The following GTF3C1 variants were observed in gnomAD, a reference collection of about 807,000 sequenced individuals.
GTF3C1 encodes the protein general transcription factor 3C polypeptide 1.
GTF3C1 carries 57 observed loss-of-function variants against 226.7 expected under a neutral mutation model. The observed-to-expected ratio is 0.25, with a 90% CI of 0.20 to 0.31. GTF3C1 has a LOEUF of 0.31. GTF3C1 is among the 10% of genes least tolerant of loss of function. The pLI, the probability that GTF3C1 is intolerant of heterozygous loss-of-function variation, is 1.00. For missense variants in GTF3C1, 2,217 were observed against 2,776.1 expected (o/e 0.80, Z 4.53); for synonymous variants, 1,090 against 1,084.8 (o/e 1.00, Z -0.09).
At chr16:27,532,832 C>T (rs539261144) in intron 5 of GTF3C1, among the ~76,000 whole-genome samples, 91 of 152,306 alleles carry the variant, frequency 6.0e-4, no homozygotes, top group African/African-American at 2.1e-3. Flanking sequence ...AAGGACAAAG[C>T]ACTCTTATTC....
intron 2 of GTF3C1, 70 bp from the exon 3 acceptor site, chr16:27,538,426 G>T (rs2089033498): frequency 2.2e-6 from 2 of 920,652 alleles, no homozygotes; most frequent in Non-Finnish European, 3.3e-6. Flanking sequence ...ATAAGAAAAA[G>T]AAATGTGCAG....
Position 27,492,836 on chromosome 16 carries a change from G to A in GTF3C1, c.2877-123C>T. The A allele has an allele frequency of 1.5e-6, 1 of 688,374 alleles. No homozygotes were observed. Among genetic ancestry groups the A allele is most frequent in the Non-Finnish European group, 2.6e-6 (1 of 381,664 alleles). 42.6% of individuals were successfully genotyped at this position (688,374 alleles called of 1,614,324 possible). On this transcript the variant is annotated intron_variant, in intron 17 of 36. Transcript: ENST00000356183. The surrounding 1 kb of genome is among the most constrained non-coding windows in gnomAD (Gnocchi z 5.0). The stretch of plus-strand genomic sequence containing the variant: ...CTTTTCCACCTGGTGGTCACTGGAG[G>A]ACCAGCCTCAAGCCCACACTGCACT...
At position 27,494,905 on chromosome 16, in the gene GTF3C1, T is replaced by A; in HGVS notation, c.2636A>T (p.Tyr879Phe). The A allele has an allele frequency of 1.2e-6, 2 of 1,613,082 alleles. No homozygotes were observed. Among genetic ancestry groups the A allele is most frequent in the African/African-American group, 2.7e-5 (2 of 74,964 alleles). ...GCGCATCCACGAGGCATCGTCGACA[T>A]ACACTAGGAAAAAAACGCACGGTTA... ...AEVELATETV[Y>F]VDDASWMRYI... The change falls in exon 16 of 37, where the codon TAT becomes TTT. Residue 879 changes from tyrosine (Y) to phenylalanine (F), a missense_variant. By Grantham distance (22) the Tyr-to-Phe change is conservative. Around this residue, in one of 12 missense-constraint regions of GTF3C1, gnomAD observed 353 missense variants for 411.7 expected, o/e 0.86. Coordinates refer to ENST00000356183, the MANE Select transcript of GTF3C1 (RefSeq NM_001520.4).
At chr16:27,515,773 T>C (rs1272932263) in intron 6 of GTF3C1, among the ~76,000 whole-genome samples, 2 of 152,206 alleles carry the variant, frequency 1.3e-5, no homozygotes, top group African/African-American at 2.4e-5. Flanking sequence ...ACGGGGTTAA[T>C]GTTAGCATGG....
intron 4 of GTF3C1, 87 bp downstream of exon 4, chr16:27,537,697 T>G: frequency 1.1e-6 from 1 of 922,414 alleles, no homozygotes; most frequent in Non-Finnish European, 1.7e-6. Context: ...TATGAGCCAC[T>G]GTACCCAGCT....
At chr16:27,520,139 T>C (rs917643661) in intron 6 of GTF3C1, among the ~76,000 whole-genome samples, 3 of 152,098 alleles carry the variant, frequency 2.0e-5, no homozygotes, top group Non-Finnish European at 4.4e-5. Flanking sequence ...TTTGTTGACA[T>C]GGAGTCTCAC....
rs1480091672 is a variant in GTF3C1, at chr16:27,461,413, A to G, written c.6267T>C (p.Cys2089=). The G allele has an allele frequency of 3.1e-6, 5 of 1,613,912 alleles. No homozygotes were observed. The highest frequency in any genetic ancestry group is 4.2e-6 in the Non-Finnish European group (5 of 1,179,942). ...GGAACACACGGCCCAGCCGGAGGGT[A>G]CAGTCCAAGGTGGGCTCATAGAAAG... ...PMAFYEPTLD[C]TLRLGRVFPH... Residue 2089 remains cysteine, a synonymous_variant, in exon 37 of 37, where the codon TGT becomes TGC. Transcript: ENST00000356183. This position sits in a 1 kb window ranked among gnomAD's most constrained non-coding sequence, Gnocchi z 5.3.
intron 1 of GTF3C1, 52 bp from the exon 2 acceptor site, chr16:27,545,575 T>C (rs747503366): frequency 8.8e-6 from 9 of 1,018,086 alleles, no homozygotes; most frequent in Admixed American, 1.8e-5. Context: ...AGATATAATG[T>C]GTGCTTGGCT....
chr16:27,495,368 G>A lies in GTF3C1; in HGVS notation c.2475C>T (p.Phe825=), dbSNP rs1321868710. 16 of 1,614,192 alleles carry A rather than the reference G, an allele frequency of 9.9e-6. No individual in the cohort carries two copies. Among genetic ancestry groups the A allele is most frequent in the Non-Finnish European group, 1.2e-5 (14 of 1,180,000 alleles). The part of the protein sequence containing the change: ...PASNTVEKPS[F]ISERRTIKQE... ...GCTTTATCGTTCTCCGTTCACTGAT[G>A]AAGCTTGGCTTCTCCACGGTGTTGC... Residue 825 remains phenylalanine (F), a synonymous_variant, in exon 15 of 37, where the codon TTC becomes TTT. Transcript: ENST00000356183.
intron 26 of GTF3C1, chr16:27,482,485 T>C (rs540945232): frequency 4.6e-5 from 21 of 456,110 alleles, no homozygotes; most frequent in Admixed American, 3.1e-4. Context: ...GCAATGGCCA[T>C]GTACTTCTCT....
At position 27,488,158 on chromosome 16, in the gene GTF3C1, G is replaced by A. The variant is rs1051627203; in HGVS notation, c.3700+69C>T. The A allele has an allele frequency of 1.7e-5, 23 of 1,374,504 alleles. No homozygotes were observed. In the African/African-American group the frequency reaches 3.1e-4, roughly 19 times the overall value. The allele number at this position is 1,374,504 out of a possible 1,614,324, so 85.1% of individuals were successfully genotyped here. On this transcript the variant is annotated intron_variant, in intron 23 of 36. Coordinates refer to ENST00000356183, the MANE Select transcript of GTF3C1 (RefSeq NM_001520.4). ...GGCAGAGCTCAGGCCTGGCTGGAGT[G>A]AGGCTGTCGCACATCTCCAAGCCAA...
At chr16:27,523,466 TC>T (rs1402328849) in intron 6 of GTF3C1, among the ~76,000 whole-genome samples, 1 of 152,060 alleles carries the variant, frequency 6.6e-6, no homozygotes, top group Non-Finnish European at 1.5e-5. Flanking sequence ...CTTTGTCTCC[TC>T]CATAATGCCT....
In GTF3C1 at chr16:27,471,674, G is replaced by C; in HGVS notation, c.4526+74C>G. 8.3e-7 allele frequency: 1 copy of C among 1,210,850 alleles called. No homozygotes were observed. The highest frequency in any genetic ancestry group is 1.2e-6 in the Non-Finnish European group (1 of 830,484). The allele number at this position is 1,210,850 out of a possible 1,614,324, so 75.0% of individuals were successfully genotyped here. ...TCCTACACGCTTTCATGGCCACAGT[G>C]CTTCCTTTGCTCCTCTTTACAGACA... On this transcript the variant is annotated intron_variant, in intron 30 of 36. Coordinates refer to ENST00000356183, the MANE Select transcript of GTF3C1 (RefSeq NM_001520.4). This position sits in a 1 kb window ranked among gnomAD's most constrained non-coding sequence, Gnocchi z 5.0.
Position 27,492,433 on chromosome 16 carries a change from C to T in GTF3C1, c.3056G>A (p.Arg1019Gln), listed in dbSNP as rs147568011. 1.9e-5 allele frequency: 31 copies of T among 1,611,344 alleles called. No individual in the cohort carries two copies. The highest frequency in any genetic ancestry group is 2.5e-5 in the Non-Finnish European group (30 of 1,177,680). The change falls in exon 19 of 37, where the codon CGG becomes CAG. Residue 1019 changes from arginine to glutamine, a missense_variant. Transcript: ENST00000356183. The surrounding 1 kb of genome is among the most constrained non-coding windows in gnomAD (Gnocchi z 5.0). Reference protein sequence around the residue: ...DPHYNLARSSRPFERRLYVLN... With the variant: ...DPHYNLARSSQPFERRLYVLN... ...GACATAGAGGCGCCTCTCGAAGGGC[C>T]GGCTGCTGCGGGCCAGGTTGTAATG...
chr16:27,537,708 G>T, intron 4 of GTF3C1, 76 bp downstream of exon 4: 2 of 1,022,760 alleles, frequency 2.0e-6, no homozygotes, highest in Non-Finnish European at 2.9e-6. Context: ...GTACCCAGCT[G>T]CCCCTACAAT....
intron 14 of GTF3C1, among the ~76,000 whole-genome samples, chr16:27,497,044 C>G (rs1361145613): frequency 1.3e-5 from 2 of 152,234 alleles, no homozygotes; most frequent in Non-Finnish European, 2.9e-5. Context: ...TCTAGTGTGT[C>G]CTGGACCTGA....
chr16:27,540,492 C>T (rs1215851685), intron 2 of GTF3C1, among the ~76,000 whole-genome samples: 2 of 152,144 alleles, frequency 1.3e-5, no homozygotes, highest in East Asian at 1.9e-4. Flanking sequence ...GACATGATCC[C>T]AATGTTTCTG....
rs1265399554 is a variant in GTF3C1 at position 27,469,802 on chromosome 16, G to A, written c.4815-252C>T. ...GACTGTTCCTTTTGCCCGTCTCTCA[G>A]CCCAGAAAACACCCATTTCCCCAGG... On this transcript the variant is annotated intron_variant, in intron 31 of 36. Transcript: ENST00000356183. This position sits in a 1 kb window ranked among gnomAD's most constrained non-coding sequence, Gnocchi z 4.5. 6.6e-6 allele frequency among the ~76,000 whole-genome samples: 1 copy of A among 152,088 alleles called. No individual in the cohort carries two copies. The highest frequency in any genetic ancestry group is 1.9e-4 in the East Asian group (1 of 5,196).
intron 2 of GTF3C1, among the ~76,000 whole-genome samples, chr16:27,541,859 C>A (rs915973782): frequency 6.6e-6 from 1 of 152,130 alleles, no homozygotes; most frequent in South Asian, 2.1e-4. Flanking sequence ...GAACACAACA[C>A]GAACACAAAC....
Sources: gnomAD v4.1 joint callset for allele counts (sites outside exome capture counted in the v4.1 genomes callset) on GRCh38, gnomAD v4.1.1 for gene constraint, gnomAD v4.1.1 regional missense constraint, Gnocchi (gnomAD v3.1) non-coding constraint, MANE v1.5 for transcripts, NCBI Gene and HGNC (gene_info 2026-07-23, HGNC 2026-07-21) for gene names.